LRMDA: variants seen among roughly 807,000 people sequenced by gnomAD.
LRMDA encodes the protein leucine-rich melanocyte differentiation-associated protein.
LRMDA carries 18 observed loss-of-function variants against 29.8 expected under a neutral mutation model. The ratio of observed to expected loss-of-function variants is 0.60; its 90% CI spans 0.42 to 0.90. The LOEUF (loss-of-function observed/expected upper bound fraction) is 0.90. Among genes scored for constraint, LRMDA ranks in the 40% least tolerant of loss-of-function variants. LRMDA has a pLI of 0.00. For missense variants in LRMDA, 273 were observed against 273.9 expected (o/e 1.00, Z 0.02); for synonymous variants, 125 against 109.4 (o/e 1.14, Z -0.89).
At chr10:75,888,978 G>A (rs3862498) in intron 2 of LRMDA, among the ~76,000 whole-genome samples, 13,315 of 152,124 alleles carry the variant, frequency 0.088, 1,772 homozygotes, top group African/African-American at 0.28. Context: ...ACCTTTCTGT[G>A]TAAGAATTTC....
At chr10:75,962,927 C>T (rs919900520) in intron 2 of LRMDA, among the ~76,000 whole-genome samples, 3 of 152,176 alleles carry the variant, frequency 2.0e-5, no homozygotes, top group African/African-American at 7.2e-5. Flanking sequence ...GATTTAGAAA[C>T]ATCCTGTTAT....
intron 6 of LRMDA, among the ~76,000 whole-genome samples, chr10:76,480,457 T>C (rs760477916): frequency 6.6e-6 from 1 of 151,990 alleles, no homozygotes; most frequent in Non-Finnish European, 1.5e-5. Context: ...TTTAAAGCAC[T>C]CCTGTGCCAA....
intron 2 of LRMDA, among the ~76,000 whole-genome samples, chr10:75,721,631 C>T (rs181462587): frequency 1.2e-4 from 18 of 152,282 alleles, no homozygotes; most frequent in Admixed American, 3.3e-4. Flanking sequence ...GTGCTGGGCT[C>T]ATCTCTGTGT....
intron 2 of LRMDA, among the ~76,000 whole-genome samples, chr10:75,889,498 A>G (rs1284520706): frequency 2.0e-5 from 3 of 152,170 alleles, no homozygotes; most frequent in Non-Finnish European, 2.9e-5. Context: ...TGTCAGTAAC[A>G]TTGCAATGGA....
At chr10:75,801,806 T>A (rs1036879112) in intron 2 of LRMDA, among the ~76,000 whole-genome samples, 2 of 152,186 alleles carry the variant, frequency 1.3e-5, no homozygotes, top group Middle Eastern at 3.2e-3. Context: ...TTTTTTGCCT[T>A]GTACTCTAGG....
At chr10:76,552,561 A>G (rs1269062078) in intron 6 of LRMDA, among the ~76,000 whole-genome samples, 1 of 152,228 alleles carries the variant, frequency 6.6e-6, no homozygotes, top group Non-Finnish European at 1.5e-5. Flanking sequence ...TAAGGAAAAC[A>G]TTGGAAAATG....
chr10:75,659,582 TAA>T (rs1841723813), intron 2 of LRMDA, among the ~76,000 whole-genome samples: 1 of 152,280 alleles, frequency 6.6e-6, no homozygotes, highest in East Asian at 1.9e-4. Flanking sequence ...ATGTGTAATC[TAA>T]AAGAGTCAAA....
In LRMDA at chr10:75,962,419, C is replaced by G. The variant is rs187446747; in HGVS notation, c.132-73589C>G. 3.9e-3 allele frequency among the ~76,000 whole-genome samples: 597 copies of G among 152,302 alleles called. 2 individuals are homozygous for G. The highest frequency in any genetic ancestry group is 0.014 in the African/African-American group (565 of 41,560). ...ACTTAGCATTACTGGATCACAAACTCTTTGGTGGGGGCTCAGCAGTTTTGT... is the reference window on the plus strand; with the variant it reads ...ACTTAGCATTACTGGATCACAAACTGTTTGGTGGGGGCTCAGCAGTTTTGT... On this transcript the variant is annotated intron_variant, in intron 2 of 6. Transcript: ENST00000611255.
chr10:75,935,524 A>T (rs74750425), intron 2 of LRMDA, among the ~76,000 whole-genome samples: 1 of 152,346 alleles, frequency 6.6e-6, no homozygotes, highest in Non-Finnish European at 1.5e-5. Flanking sequence ...CAGTTGAAAA[A>T]TTCAGCAATA....
At chr10:75,547,216 T>C (rs1349150619) in intron 2 of LRMDA, among the ~76,000 whole-genome samples, 5 of 152,220 alleles carry the variant, frequency 3.3e-5, no homozygotes, top group African/African-American at 9.6e-5. Context: ...CCCAACTTCA[T>C]GTTTCAGGAT....
intron 2 of LRMDA, among the ~76,000 whole-genome samples, chr10:75,843,939 A>G (rs1361951735): frequency 2.0e-5 from 3 of 152,106 alleles, no homozygotes; most frequent in Non-Finnish European, 4.4e-5. Context: ...TGCCAGAGGT[A>G]TGAGATAGAG....
intron 2 of LRMDA, among the ~76,000 whole-genome samples, chr10:75,564,173 T>C (rs1477434502): frequency 6.6e-6 from 1 of 152,240 alleles, no homozygotes; most frequent in Non-Finnish European, 1.5e-5. Context: ...ACTTGAGTTG[T>C]GGTGGGCTGC....
chr10:75,563,417 A>C (rs1840326422), intron 2 of LRMDA, among the ~76,000 whole-genome samples: 1 of 152,066 alleles, frequency 6.6e-6, no homozygotes, highest in African/African-American at 2.4e-5. Flanking sequence ...TGGTTATGCT[A>C]GTTATACATT....
intron 6 of LRMDA, among the ~76,000 whole-genome samples, chr10:76,335,862 T>C (rs1840961577): frequency 1.3e-5 from 2 of 152,154 alleles, no homozygotes; most frequent in African/African-American, 4.8e-5. Context: ...TTAAGGTCTA[T>C]GTTGATGTTA....
chr10:76,324,462 C>A lies in LRMDA; in HGVS notation c.578C>A (p.Ser193Tyr). ...ERHYTPLPSA[S>Y]RELTSHQGVL... ...CACTACACGCCCTTGCCTTCTGCTTCCAGGGAACTCACCAGTCACCAAGGT... is the reference window on the plus strand; with the variant it reads ...CACTACACGCCCTTGCCTTCTGCTTACAGGGAACTCACCAGTCACCAAGGT... The change falls in exon 6 of 7, where the codon TCC becomes TAC. Residue 193 changes from serine to tyrosine, a missense_variant. Physicochemically the swap from Ser to Tyr is moderately radical, Grantham distance 144 (BLOSUM62 -2). Coordinates refer to ENST00000611255, the MANE Select transcript of LRMDA (RefSeq NM_001305581.2). 1 of 1,614,092 alleles carries A rather than the reference C, an allele frequency of 6.2e-7. No individual in the cohort carries two copies. Among genetic ancestry groups the A allele is most frequent in the South Asian group, 1.1e-5 (1 of 91,064 alleles).
intron 2 of LRMDA, among the ~76,000 whole-genome samples, chr10:75,464,903 G>T (rs765966947): frequency 3.3e-5 from 5 of 152,098 alleles, no homozygotes; most frequent in Admixed American, 6.5e-5. Flanking sequence ...TTCTTTTCAC[G>T]TAAACTAATA....
chr10:76,342,682 G>A (rs1338868972), intron 6 of LRMDA, among the ~76,000 whole-genome samples: 1 of 151,954 alleles, frequency 6.6e-6, no homozygotes, highest in Admixed American at 6.6e-5. Context: ...AGAAACAAGA[G>A]AAAACTAAAA....
intron 2 of LRMDA, among the ~76,000 whole-genome samples, chr10:75,969,734 C>A (rs1169618330): frequency 1.4e-5 from 2 of 143,978 alleles, no homozygotes; most frequent in African/African-American, 2.5e-5. Context: ...AATAGGCTTC[C>A]CTGGACTTTT....
rs1333093642 is a variant in LRMDA, at chr10:76,498,197, C to G, written c.602-59012C>G. Among the ~76,000 whole-genome samples, 28 of 75,506 alleles carry G rather than the reference C, an allele frequency of 3.7e-4. 6 individuals carry two copies. The highest frequency in any genetic ancestry group is 9.0e-4 in the African/African-American group (28 of 31,050). 49.5% of individuals were successfully genotyped at this position (75,506 alleles called of 152,430 possible). ...AACTCCACCTGTGCTAAGCATTCAGCATTGTTTTCTTTGGCTTTGCTTCAT... is the reference window on the plus strand; with the variant it reads ...AACTCCACCTGTGCTAAGCATTCAGGATTGTTTTCTTTGGCTTTGCTTCAT... On this transcript the variant is annotated intron_variant, in intron 6 of 6. Transcript: ENST00000611255.
Sources: allele counts gnomAD v4.1 joint callset (sites outside exome capture counted in the v4.1 genomes callset), GRCh38; gene constraint gnomAD v4.1.1; transcripts MANE v1.5; gene names NCBI Gene and HGNC (gene_info 2026-07-23, HGNC 2026-07-21).